The following L3MBTL4 variants were observed in gnomAD, a reference collection of about 807,000 sequenced individuals.
L3MBTL4 encodes the protein L3MBTL histone methyl-lysine binding protein 4.
In L3MBTL4, 70 loss-of-function variants were observed where a neutral mutation model predicts 84.5. That is an observed-to-expected ratio of 0.83 (90% confidence interval 0.68 to 1.01). The LOEUF is 1.01. Among genes scored for constraint, L3MBTL4 ranks in the 50% least tolerant of loss-of-function variants. The pLI is 0.00. For missense variants in L3MBTL4, 715 were observed against 754.8 expected, an observed-to-expected ratio of 0.95 and a Z score of 0.62; for synonymous variants, 274 against 259.8, an observed-to-expected ratio of 1.05 and a Z score of -0.52.
chr18:6,239,756 T>C lies in L3MBTL4; in HGVS notation c.669A>G (p.Leu223=). 1.2e-6 allele frequency: 2 copies of C among 1,614,140 alleles called. No homozygotes were observed. The highest frequency in any genetic ancestry group is 1.7e-6 in the Non-Finnish European group (2 of 1,180,018). Residue 223 remains leucine, a synonymous_variant, in exon 9 of 19, where the codon CTA becomes CTG. Transcript: ENST00000317931. ...TATCATCCCAGTTGTCAAAATGCAC[T>C]AGTAAGCGATCTTCAACAATATCTG... The part of the protein sequence containing the change: ...TIADIVEDRL[L]VHFDNWDDSY...
chr18:6,121,611 A>G (rs959115584), intron 14 of L3MBTL4, among the ~76,000 whole-genome samples: 2 of 151,286 alleles, frequency 1.3e-5, no homozygotes, highest in African/African-American at 4.9e-5. Context: ...TACACACCAA[A>G]GGGGAAGCAG....
intron 16 of L3MBTL4, among the ~76,000 whole-genome samples, chr18:5,987,009 G>T (rs959702960): frequency 1.3e-5 from 2 of 152,186 alleles, no homozygotes; most frequent in African/African-American, 4.8e-5. Flanking sequence ...AAGCAAGCAG[G>T]TCTCTCCCAC....
intron 4 of L3MBTL4, among the ~76,000 whole-genome samples, chr18:6,301,218 GTTAA>G (rs755408792): frequency 5.3e-5 from 8 of 152,140 alleles, no homozygotes; most frequent in East Asian, 1.9e-4. Context: ...TACTTTAAAA[GTTAA>G]TTAGAGGACC....
intron 16 of L3MBTL4, among the ~76,000 whole-genome samples, chr18:6,021,078 T>C (rs552866342): frequency 6.6e-6 from 1 of 152,268 alleles, no homozygotes; most frequent in African/African-American, 2.4e-5. Context: ...GAAGCCAAAG[T>C]AGATTTCAAG....
intron 1 of L3MBTL4, among the ~76,000 whole-genome samples, chr18:6,342,410 A>C (rs187839901): frequency 6.6e-6 from 1 of 152,330 alleles, no homozygotes; most frequent in Admixed American, 6.5e-5. Context: ...AAAGGAAAAA[A>C]GTTGTAAATT....
At chr18:6,070,229 T>C (rs941725309) in intron 16 of L3MBTL4, among the ~76,000 whole-genome samples, 1 of 152,100 alleles carries the variant, frequency 6.6e-6, no homozygotes, top group Non-Finnish European at 1.5e-5. Context: ...GAGACAAATA[T>C]AAGGCACTTC....
chr18:6,071,414 T>C (rs1468674811), intron 16 of L3MBTL4, among the ~76,000 whole-genome samples: 1 of 148,144 alleles, frequency 6.8e-6, no homozygotes, highest in Non-Finnish European at 1.5e-5. Flanking sequence ...AAAAAGATAG[T>C]AGCCCTAAGT....
intron 4 of L3MBTL4, among the ~76,000 whole-genome samples, chr18:6,283,039 A>G (rs2729741): frequency 0.21 from 31,718 of 152,186 alleles, 3,574 homozygotes; most frequent in African/African-American, 0.29. Context: ...CAAGACCCAC[A>G]GGTACAGGCT....
At chr18:6,300,973 G>T (rs2050313880) in intron 4 of L3MBTL4, among the ~76,000 whole-genome samples, 1 of 152,102 alleles carries the variant, frequency 6.6e-6, no homozygotes, top group South Asian at 2.1e-4. Context: ...GGCGGCAAGA[G>T]AAGAAAAGAA....
intron 1 of L3MBTL4, among the ~76,000 whole-genome samples, chr18:6,365,886 C>G (rs869165416): frequency 1.3e-5 from 2 of 151,888 alleles, no homozygotes; most frequent in African/African-American, 4.8e-5. Context: ...ATATTACACT[C>G]TTATATTAAA....
chr18:6,226,785 A>G (rs1269948981), intron 10 of L3MBTL4, among the ~76,000 whole-genome samples: 2 of 152,192 alleles, frequency 1.3e-5, no homozygotes, highest in African/African-American at 4.8e-5. Context: ...GAAGCATTAA[A>G]TAATACCCAA....
At chr18:6,120,116 A>G (rs1413328019) in intron 14 of L3MBTL4, among the ~76,000 whole-genome samples, 2 of 152,268 alleles carry the variant, frequency 1.3e-5, no homozygotes, top group South Asian at 2.1e-4. Context: ...TGTGTTTTCA[A>G]CCTCACTAAA....
chr18:6,120,883 G>C (rs367610340), intron 14 of L3MBTL4, among the ~76,000 whole-genome samples: 1 of 152,128 alleles, frequency 6.6e-6, no homozygotes, highest in African/African-American at 2.4e-5. Context: ...GGGTGTTTGG[G>C]TAGATTCAAG....
At chr18:6,138,115 T>G in intron 14 of L3MBTL4, 79 bp downstream of exon 14, 1 of 949,526 alleles carries the variant, frequency 1.1e-6, no homozygotes, top group Non-Finnish European at 1.6e-6. Flanking sequence ...TGAGACTCAT[T>G]TATGATGCTC....
intron 14 of L3MBTL4, among the ~76,000 whole-genome samples, chr18:6,115,019 G>A (rs1408533278): frequency 1.3e-5 from 2 of 152,192 alleles, no homozygotes; most frequent in East Asian, 3.8e-4. Context: ...AATGGTTGGG[G>A]GTTCACCAAG....
At chr18:6,271,538 G>GA (rs1568416447) in intron 4 of L3MBTL4, among the ~76,000 whole-genome samples, 2 of 152,210 alleles carry the variant, frequency 1.3e-5, no homozygotes, top group Non-Finnish European at 2.9e-5. Context: ...GAACGCGGAG[G>GA]AAAGTGTGAG....
At chr18:6,386,759 G>C (rs1419932123) in intron 1 of L3MBTL4, among the ~76,000 whole-genome samples, 1 of 152,188 alleles carries the variant, frequency 6.6e-6, no homozygotes, top group Non-Finnish European at 1.5e-5. Flanking sequence ...GGTGCACAAA[G>C]GGGGAGAAGG....
chr18:6,064,102 A>AT (rs1269576735), intron 16 of L3MBTL4, among the ~76,000 whole-genome samples: 2 of 152,018 alleles, frequency 1.3e-5, no homozygotes, highest in African/African-American at 2.4e-5. Context: ...AGCACCGTTT[A>AT]TTGAATAGGG....
chr18:6,230,955 A>C (rs1431271827), intron 10 of L3MBTL4, among the ~76,000 whole-genome samples: 1 of 151,988 alleles, frequency 6.6e-6, no homozygotes, highest in Non-Finnish European at 1.5e-5. Context: ...TGTTAGTTTA[A>C]GTTCCTTATG....
Sources: allele counts gnomAD v4.1 joint callset (sites outside exome capture counted in the v4.1 genomes callset), GRCh38; gene constraint gnomAD v4.1.1; transcripts MANE v1.5; gene names NCBI Gene and HGNC (gene_info 2026-07-23, HGNC 2026-07-21).